STARD13: variants seen among roughly 807,000 people sequenced by gnomAD.
The protein encoded by STARD13 is stAR-related lipid transfer protein 13.
Under a neutral mutation model 106.4 loss-of-function variants are expected in STARD13, and 62 were observed. The observed-to-expected ratio is 0.58, with a 90% confidence interval of 0.48 to 0.72. The LOEUF (loss-of-function observed/expected upper bound fraction) is 0.72, where lower values mean the gene tolerates loss of function less well. STARD13 is among the 30% of genes least tolerant of loss of function. The probability of loss-of-function intolerance (pLI) is 0.00; values close to 1 mark genes in which losing one functional copy is unlikely to be tolerated. For synonymous variants in STARD13, 565 were observed against 553.0 expected, an observed-to-expected ratio of 1.02 and a Z score of -0.31; for missense variants, 1,387 against 1,424.0, an observed-to-expected ratio of 0.97 and a Z score of 0.42.
chr13:33,653,122 A>G, the STARD13 span, among the ~76,000 whole-genome samples: 1 of 152,208 alleles, frequency 6.6e-6, no homozygotes, highest in African/African-American at 2.4e-5. Context: ...TAGAGATTCA[A>G]TGTAATCTCT....
intron 1 of STARD13, chr13:33,336,770 A>AAAAAAAC: frequency 6.6e-6 from 1 of 151,410 alleles, no homozygotes; most frequent in East Asian, 1.9e-4. Flanking sequence ...AAAAAAAAAA[A>AAAAAAAC]AAAATTCTCC....
intron 2 of STARD13, 78 bp downstream of exon 2, chr13:33,167,473 T>G: frequency 1.4e-6 from 2 of 1,477,376 alleles, no homozygotes; most frequent in Non-Finnish European, 1.9e-6. Flanking sequence ...AATCTGGAAG[T>G]CAAAACACAC....
the STARD13 span, chr13:33,439,731 A>G: frequency 8.0e-7 from 1 of 1,245,202 alleles, no homozygotes; most frequent in Non-Finnish European, 1.1e-6. Context: ...GCACCTGTAA[A>G]AAAACAGTAT....
chr13:33,143,773 G>A (rs1880160837), intron 3 of STARD13, among the ~76,000 whole-genome samples: 1 of 151,890 alleles, frequency 6.6e-6, no homozygotes, highest in African/African-American at 2.4e-5. Flanking sequence ...GGATGGTCTC[G>A]ATCTCCTGAC....
rs138067315 is a variant in STARD13, at chr13:33,330,424, C to T, written c.124+19866G>A. ...GAAGTGTCTATTTTGGTCCCTTGCC[C>T]ATTTTTTAATCCAGTTGTTTGTATT... is the stretch of plus-strand genomic sequence containing the variant. On this transcript the variant is annotated intron_variant, in intron 1 of 5. Transcript: ENST00000567873. Among the ~76,000 whole-genome samples the T allele has an allele frequency of 2.0e-5, 3 of 152,186 alleles. No homozygotes were observed. In the East Asian group the frequency reaches 5.8e-4, roughly 29 times the overall value.
the STARD13 span, among the ~76,000 whole-genome samples, chr13:33,519,335 TCTTC>T: frequency 6.6e-6 from 1 of 150,664 alleles, no homozygotes; most frequent in South Asian, 2.1e-4. Flanking sequence ...CTCCTTCCTT[TCTTC>T]CTTCTTTTTT....
At chr13:33,248,895 A>T (rs1311176163) in intron 1 of STARD13, among the ~76,000 whole-genome samples, 1 of 152,246 alleles carries the variant, frequency 6.6e-6, no homozygotes, top group East Asian at 1.9e-4. Flanking sequence ...CATATCATCT[A>T]GTTTTCTTTA....
intron 1 of STARD13, among the ~76,000 whole-genome samples, chr13:33,227,960 TG>T (rs1888708575): frequency 6.6e-6 from 1 of 152,096 alleles, no homozygotes; most frequent in East Asian, 1.9e-4. Context: ...ATGAACATAA[TG>T]ATAGATTGAA....
the STARD13 span, among the ~76,000 whole-genome samples, chr13:33,490,744 C>G: frequency 6.6e-6 from 1 of 152,146 alleles, no homozygotes; most frequent in Non-Finnish European, 1.5e-5. Context: ...GACAAGAGCT[C>G]GGGATACAGG....
chr13:33,649,862 C>A, the STARD13 span, among the ~76,000 whole-genome samples: 1 of 152,124 alleles, frequency 6.6e-6, no homozygotes, highest in East Asian at 1.9e-4. Context: ...AAAATAAAAC[C>A]AAAACCACCC....
At chr13:33,250,697 C>T (rs1333035623) in intron 1 of STARD13, among the ~76,000 whole-genome samples, 1 of 152,274 alleles carries the variant, frequency 6.6e-6, no homozygotes, top group Non-Finnish European at 1.5e-5. Flanking sequence ...TGATTTTGGC[C>T]CATTGACCCA....
At chr13:33,449,050 T>C in the STARD13 span, among the ~76,000 whole-genome samples, 1 of 152,022 alleles carries the variant, frequency 6.6e-6, no homozygotes, top group Non-Finnish European at 1.5e-5. Flanking sequence ...CTTTGCTTTG[T>C]TAATTGTTCT....
Position 33,129,477 on chromosome 13 carries a change from A to G in STARD13, c.1200T>C (p.Asp400=). The G allele has an allele frequency of 1.2e-6, 2 of 1,614,094 alleles. No homozygotes were observed. The highest frequency in any genetic ancestry group is 2.7e-5 in the African/African-American group (2 of 75,000). ...CCTTGGGGAATGTTCCTGGTTTGTG[A>G]TCCTTGGGAATATGCACCACCAAAT... ...QENLVVHIPK[D]HKPGTFPKAL... is the part of the protein sequence containing the mutation. The change falls in exon 5 of 14, where the codon GAT becomes GAC. Residue 400 remains aspartate, a synonymous_variant. Coordinates refer to ENST00000336934, the MANE Select transcript of STARD13 (RefSeq NM_178006.4).
upstream of STARD13, among the ~76,000 whole-genome samples, chr13:33,286,372 G>A (rs755127359): frequency 1.3e-5 from 2 of 152,196 alleles, no homozygotes; most frequent in Non-Finnish European, 2.9e-5. Context: ...GAGAGGCAAA[G>A]TACACACGCG....
At chr13:33,621,811 TC>T in the STARD13 span, among the ~76,000 whole-genome samples, 2 of 151,814 alleles carry the variant, frequency 1.3e-5, no homozygotes, top group Admixed American at 1.3e-4. Context: ...AATTTTTTTT[TC>T]TTTTTTTTTT....
the STARD13 span, among the ~76,000 whole-genome samples, chr13:33,648,793 T>TC: frequency 7.0e-6 from 1 of 142,844 alleles, no homozygotes; most frequent in Admixed American, 6.9e-5. Context: ...CTTTTTTTTT[T>TC]TTTTTTTTTT....
the STARD13 span, among the ~76,000 whole-genome samples, chr13:33,543,839 G>C: frequency 2.0e-5 from 3 of 152,212 alleles, no homozygotes; most frequent in African/African-American, 7.2e-5. Flanking sequence ...TAGAGTTCAG[G>C]ATTGCTTTGT....
chr13:33,444,168 G>T, the STARD13 span, among the ~76,000 whole-genome samples: 1 of 152,160 alleles, frequency 6.6e-6, no homozygotes, highest in East Asian at 1.9e-4. Context: ...CATTTGCCGA[G>T]TGCTTAGTCA....
chr13:33,310,837 G>A (rs1264507030), intron 1 of STARD13, among the ~76,000 whole-genome samples: 2 of 152,102 alleles, frequency 1.3e-5, no homozygotes, highest in Admixed American at 6.5e-5. Flanking sequence ...AACCTAGATG[G>A]TAGAACCTAT....
Sources: allele counts gnomAD v4.1 joint callset (sites outside exome capture counted in the v4.1 genomes callset), GRCh38; gene constraint gnomAD v4.1.1; transcripts MANE v1.5; gene names NCBI Gene and HGNC (gene_info 2026-07-23, HGNC 2026-07-21).